The following TMPRSS15 variants were observed in gnomAD, a reference collection of about 807,000 sequenced individuals.
TMPRSS15 encodes transmembrane serine protease 15.
A neutral mutation model predicts 125.3 loss-of-function variants in TMPRSS15; 128 were observed. That is an observed-to-expected ratio of 1.02 (90% CI 0.89 to 1.18). The LOEUF is 1.18. TMPRSS15 is among the 50% of genes most tolerant of loss of function. The pLI is 0.00. For synonymous variants in TMPRSS15, 446 were observed against 423.2 expected (o/e 1.05, Z -0.66); for missense variants, 1,283 against 1,212.7 (o/e 1.06, Z -0.86).
At chr21:18,325,090 A>G (rs979629330) in intron 16 of TMPRSS15, among the ~76,000 whole-genome samples, 3 of 151,924 alleles carry the variant, frequency 2.0e-5, no homozygotes, top group African/African-American at 7.3e-5. Context: ...ACACACACAC[A>G]CGCTTATGTA....
chr21:18,321,415 C>A (rs1375857211), intron 16 of TMPRSS15, among the ~76,000 whole-genome samples: 5 of 133,950 alleles, frequency 3.7e-5, no homozygotes, highest in African/African-American at 1.5e-4. Flanking sequence ...TGCTGTGGCG[C>A]GATCTCGGCT....
At chr21:18,464,172 CAAAAAAAAAA>C (rs1163284712) in intron 1 of TMPRSS15, among the ~76,000 whole-genome samples, 2 of 37,180 alleles carry the variant, frequency 5.4e-5, no homozygotes, top group African/African-American at 1.3e-4. Context: ...GACTCCGTCT[CAAAAAAAAAA>C]AAAAAAAAAA....
chr21:18,412,165 T>A (rs2076167575), intron 1 of TMPRSS15, among the ~76,000 whole-genome samples: 1 of 152,198 alleles, frequency 6.6e-6, no homozygotes, highest in Non-Finnish European at 1.5e-5. Flanking sequence ...AAGATTTATC[T>A]TCTCACCATG....
chr21:18,407,597 C>A, upstream of TMPRSS15, among the ~76,000 whole-genome samples: 1 of 151,798 alleles, frequency 6.6e-6, no homozygotes, highest in Non-Finnish European at 1.5e-5. Context: ...AAGGTGTGTG[C>A]CATCATGCCC....
At chr21:18,387,032 A>G (rs1463545389) in intron 3 of TMPRSS15, among the ~76,000 whole-genome samples, 1 of 152,216 alleles carries the variant, frequency 6.6e-6, no homozygotes, top group East Asian at 1.9e-4. Flanking sequence ...CTTTGCAAGG[A>G]TAGGAGTTGC....
At chr21:18,328,647 G>T (rs1209373566) in intron 15 of TMPRSS15, among the ~76,000 whole-genome samples, 2 of 151,972 alleles carry the variant, frequency 1.3e-5, no homozygotes, top group African/African-American at 4.8e-5. Context: ...GAGGGGTGGT[G>T]GAGTGAGGAT....
chr21:18,476,957 C>A (rs1476192842), intron 1 of TMPRSS15, among the ~76,000 whole-genome samples: 2 of 150,990 alleles, frequency 1.3e-5, no homozygotes, highest in Admixed American at 6.6e-5. Context: ...CCACATTCTC[C>A]CATTACAATG....
At chr21:18,302,510 T>C (rs1480449970) in intron 18 of TMPRSS15, among the ~76,000 whole-genome samples, 1 of 152,246 alleles carries the variant, frequency 6.6e-6, no homozygotes, top group Admixed American at 6.5e-5. Flanking sequence ...AGCCCAGTGA[T>C]AGCTCTTAGC....
chr21:18,381,982 T>TA (rs1039956795), intron 4 of TMPRSS15, among the ~76,000 whole-genome samples: 1 of 151,470 alleles, frequency 6.6e-6, no homozygotes, highest in Non-Finnish European at 1.5e-5. Context: ...AGTTAAAAAA[T>TA]AAAAAATGAA....
chr21:18,455,077 C>T (rs888827029), intron 1 of TMPRSS15, among the ~76,000 whole-genome samples: 33 of 152,108 alleles, frequency 2.2e-4, no homozygotes, highest in African/African-American at 6.7e-4. Context: ...TGAGTTCACA[C>T]GAGATCTGAT....
chr21:18,464,172 CAAAAAAAAA>C (rs1163284712), intron 1 of TMPRSS15, among the ~76,000 whole-genome samples: 249 of 37,196 alleles, frequency 6.7e-3, no homozygotes, highest in Middle Eastern at 0.015. Context: ...GACTCCGTCT[CAAAAAAAAA>C]AAAAAAAAAA....
chr21:18,428,631 C>T (rs4816772), intron 1 of TMPRSS15, among the ~76,000 whole-genome samples: 1 of 151,954 alleles, frequency 6.6e-6, no homozygotes, highest in Admixed American at 6.6e-5. Flanking sequence ...GTGGAAGCCC[C>T]AAGCCTTTTC....
At position 18,294,943 on chromosome 21, in the gene TMPRSS15, G is replaced by A. The variant is rs189228625; in HGVS notation, c.2262-291C>T. On this transcript the variant is annotated intron_variant, in intron 19 of 24. Coordinates refer to ENST00000284885, the MANE Select transcript of TMPRSS15 (RefSeq NM_002772.3). ...GGGGGTAATAATACTTTATTGGAGTGTTGTGAGAATAAAAAGCAATATTTG... is the reference window on the plus strand; with the variant it reads ...GGGGGTAATAATACTTTATTGGAGTATTGTGAGAATAAAAAGCAATATTTG... Among the ~76,000 whole-genome samples, 376 of 152,270 alleles carry A rather than the reference G, an allele frequency of 2.5e-3. 2 individuals carry two copies. Among genetic ancestry groups the A allele is most frequent in the Non-Finnish European group, 4.3e-3 (295 of 68,014 alleles).
chr21:18,374,258 G>C (rs2075818995), intron 5 of TMPRSS15, among the ~76,000 whole-genome samples: 1 of 151,700 alleles, frequency 6.6e-6, no homozygotes, highest in Middle Eastern at 3.4e-3. Context: ...TGGATCATGA[G>C]GTCAGGAGAT....
At chr21:18,440,725 T>A (rs1356031494) in intron 1 of TMPRSS15, among the ~76,000 whole-genome samples, 1 of 152,188 alleles carries the variant, frequency 6.6e-6, no homozygotes, top group Non-Finnish European at 1.5e-5. Context: ...TTTGCTAAAT[T>A]CTTGTCATGA....
intron 1 of TMPRSS15, among the ~76,000 whole-genome samples, chr21:18,474,295 A>T (rs1339331099): frequency 1.4e-5 from 2 of 144,814 alleles, no homozygotes; most frequent in Non-Finnish European, 3.1e-5. Flanking sequence ...ACATTTTGCT[A>T]TTTTTTTTTT....
rs1199394405 is a variant in TMPRSS15 at position 18,329,218 on chromosome 21, G to A, written c.1731C>T (p.Asn577=). The A allele has an allele frequency of 5.0e-6, 8 of 1,612,382 alleles. No individual in the cohort carries two copies. Among genetic ancestry groups the A allele is most frequent in the African/African-American group, 4.0e-5 (3 of 74,946 alleles). ...HFQEFDLENI[N]DVVEIRDGEE... is the part of the protein sequence containing the mutation. The stretch of plus-strand genomic sequence containing the variant: ...CACCATCTCTTATTTCAACTACATC[G>A]TTAATATTTTCTAAGTCAAATTCTT... Residue 577 remains asparagine (N), a synonymous_variant, in exon 15 of 25, where the codon AAC becomes AAT. Coordinates refer to ENST00000284885, the MANE Select transcript of TMPRSS15 (RefSeq NM_002772.3).
At chr21:18,373,909 G>C (rs910140469) in intron 5 of TMPRSS15, among the ~76,000 whole-genome samples, 2 of 152,158 alleles carry the variant, frequency 1.3e-5, no homozygotes, top group African/African-American at 4.8e-5. Flanking sequence ...AATTTTAAGA[G>C]ACAGAGATAA....
At chr21:18,372,097 A>ACTGT in intron 6 of TMPRSS15, 96 bp downstream of exon 6, 1 of 497,170 alleles carries the variant, frequency 2.0e-6, no homozygotes, top group Non-Finnish European at 2.9e-6. Context: ...TTGAGATTAG[A>ACTGT]ATGTGTGTGT....
Sources: allele counts gnomAD v4.1 joint callset (sites outside exome capture counted in the v4.1 genomes callset), GRCh38; gene constraint gnomAD v4.1.1; transcripts MANE v1.5; gene names NCBI Gene and HGNC (gene_info 2026-07-23, HGNC 2026-07-21).